The following SHANK2 variants were observed in gnomAD, a reference collection of about 807,000 sequenced individuals.
The protein encoded by SHANK2 is SH3 and multiple ankyrin repeat domains 2.
In SHANK2, 43 loss-of-function variants were observed where a neutral mutation model predicts 133.7. The ratio of observed to expected loss-of-function variants is 0.32; its 90% CI spans 0.25 to 0.41. The LOEUF is 0.41. SHANK2 is among the 10% of genes least tolerant of loss of function. The probability of loss-of-function intolerance (pLI) is 1.00; values close to 1 mark genes in which losing one functional copy is unlikely to be tolerated. For synonymous variants in SHANK2, 1,017 were observed against 952.8 expected (o/e 1.07, Z -1.24); for missense variants, 1,994 against 2,235.8 (o/e 0.89, Z 2.18).
At chr11:70,822,140 G>T (rs1251293077) in intron 11 of SHANK2, among the ~76,000 whole-genome samples, 18 of 152,330 alleles carry the variant, frequency 1.2e-4, no homozygotes, top group African/African-American at 4.1e-4. Context: ...ATCACTGGGG[G>T]GCCAAAGGCA....
At chr11:71,084,847 T>C (rs1951357218) in intron 8 of SHANK2, among the ~76,000 whole-genome samples, 1 of 152,160 alleles carries the variant, frequency 6.6e-6, no homozygotes, top group South Asian at 2.1e-4. Flanking sequence ...TCTGGGCCTG[T>C]GAACTCATAT....
At chr11:71,131,202 A>G (rs1952298324) in intron 3 of SHANK2, among the ~76,000 whole-genome samples, 1 of 152,248 alleles carries the variant, frequency 6.6e-6, no homozygotes, top group Non-Finnish European at 1.5e-5. Flanking sequence ...TCCAAATGAA[A>G]TAATACTTCT....
intron 21 of SHANK2, among the ~76,000 whole-genome samples, chr11:70,495,652 A>T (rs905343782): frequency 5.3e-5 from 8 of 152,156 alleles, no homozygotes; most frequent in African/African-American, 1.9e-4. Flanking sequence ...CTGCTTCCTG[A>T]CAGTGCTGGC....
In SHANK2 at chr11:71,113,368, G is replaced by A; in HGVS notation, c.412-4C>T. On this transcript the variant is annotated splice_region_variant and splice_polypyrimidine_tract_variant and intron_variant, in intron 4 of 25. Coordinates refer to ENST00000601538, the MANE Select transcript of SHANK2 (RefSeq NM_012309.5). ...ACACCCGCTTCTTGTATCGAAACTGGCACAGAAAACAAAAAAGAGAGAGAA... is the reference window on the plus strand; with the variant it reads ...ACACCCGCTTCTTGTATCGAAACTGACACAGAAAACAAAAAAGAGAGAGAA... 1.3e-6 allele frequency: 2 copies of A among 1,551,484 alleles called. No homozygotes were observed. The highest frequency in any genetic ancestry group is 1.7e-6 in the Non-Finnish European group (2 of 1,146,844).
Position 70,472,878 on chromosome 11 carries a change from C to A in SHANK2, c.5541G>T (p.Leu1847=). 1.2e-6 allele frequency: 2 copies of A among 1,614,192 alleles called. No homozygotes were observed. Among genetic ancestry groups the A allele is most frequent in the Non-Finnish European group, 1.7e-6 (2 of 1,180,016 alleles). The part of the protein sequence containing the change: ...MNIERALKQL[L]DR ...TGGAGAGCAGCCGTCCTTATCTGTC[C>A]AGCAGCTGTTTCAAAGCCCTTTCTA... Residue 1847 remains leucine, a synonymous_variant, in exon 26 of 26, where the codon CTG becomes CTT. Transcript: ENST00000601538. This position sits in a 1 kb window ranked among gnomAD's most constrained non-coding sequence, Gnocchi z 4.4.
At position 70,490,353 on chromosome 11, in the gene SHANK2, G is replaced by A. The variant is rs782271440; in HGVS notation, c.2474C>T (p.Thr825Met). The A allele has an allele frequency of 3.0e-5, 48 of 1,614,110 alleles. No individual in the cohort carries two copies. The Middle Eastern group carries it at 4.9e-4, about 17-fold the overall frequency. The change falls in exon 23 of 26, where the codon ACG (threonine) becomes ATG (methionine). Residue 825 changes from threonine (T) to methionine (M), a missense_variant. Physicochemically the swap from Thr to Met is moderately conservative, Grantham distance 81. Coordinates refer to ENST00000601538, the MANE Select transcript of SHANK2 (RefSeq NM_012309.5). ...TTTTGGGCTCCCAGGAACAGTGGGCGTCATCACGGCGATTCCTTGGCGTTC... is the reference window on the plus strand; with the variant it reads ...TTTTGGGCTCCCAGGAACAGTGGGCATCATCACGGCGATTCCTTGGCGTTC... Reference protein sequence around the residue: ...VYERQGIAVMTPTVPGSPKAP... With the variant: ...VYERQGIAVMMPTVPGSPKAP...
chr11:71,124,286 A>G (rs1952139975), intron 3 of SHANK2, among the ~76,000 whole-genome samples: 3 of 142,978 alleles, frequency 2.1e-5, no homozygotes, highest in Non-Finnish European at 4.6e-5. Flanking sequence ...AGTGATGATG[A>G]TGGTGATGGT....
At chr11:70,737,370 C>T (rs1456995469) in intron 14 of SHANK2, among the ~76,000 whole-genome samples, 7 of 152,200 alleles carry the variant, frequency 4.6e-5, no homozygotes, top group Non-Finnish European at 1.0e-4. Flanking sequence ...TGATCCTCAC[C>T]CATCAGGGTC....
At chr11:71,059,785 C>T (rs1030324060) in intron 9 of SHANK2, among the ~76,000 whole-genome samples, 1 of 152,212 alleles carries the variant, frequency 6.6e-6, no homozygotes, top group African/African-American at 2.4e-5. Context: ...CCCGTCTCTG[C>T]GTTCTCCAGC....
chr11:70,487,005 C>T lies in SHANK2; in HGVS notation c.3288G>A (p.Arg1096=). ...VRDREKRLEA[R]RNSPAFLSTD... ...TGGAGAGGAAGGCCGGGGAGTTCCTCCTGGCTTCCAGCCGCTTCTCACGGT... is the reference window on the plus strand; with the variant it reads ...TGGAGAGGAAGGCCGGGGAGTTCCTTCTGGCTTCCAGCCGCTTCTCACGGT... The change falls in exon 25 of 26, where the codon AGG becomes AGA. Residue 1096 remains arginine (R), a synonymous_variant. Coordinates refer to ENST00000601538, the MANE Select transcript of SHANK2 (RefSeq NM_012309.5). This position sits in a 1 kb window ranked among gnomAD's most constrained non-coding sequence, Gnocchi z 5.8. The T allele has an allele frequency of 6.2e-7, 1 of 1,610,830 alleles. No homozygotes were observed. The highest frequency in any genetic ancestry group is 8.5e-7 in the Non-Finnish European group (1 of 1,179,752).
chr11:71,154,978 A>G lies in SHANK2; in HGVS notation c.-12-7640T>C, dbSNP rs1480542091. Among the ~76,000 whole-genome samples, 29 of 72,238 alleles carry G rather than the reference A, an allele frequency of 4.0e-4. No individual in the cohort carries two copies. The East Asian group carries it at 5.2e-3, about 13-fold the overall frequency. 47.4% of individuals were successfully genotyped at this position (72,238 alleles called of 152,430 possible). A position where few individuals can be genotyped will look rare whatever the true frequency, so the allele number is the denominator to read the frequency against. Reference sequence around the variant, plus strand: ...ACCTACCCCCGCCCACGCTCCCAGAAGAGGGATGGACCTACCCCAGCCCAC... The same window carrying G: ...ACCTACCCCCGCCCACGCTCCCAGAGGAGGGATGGACCTACCCCAGCCCAC... On this transcript the variant is annotated intron_variant, in intron 2 of 25. Transcript: ENST00000601538.
At chr11:70,928,532 T>A (rs1555082002) in intron 10 of SHANK2, among the ~76,000 whole-genome samples, 1 of 151,744 alleles carries the variant, frequency 6.6e-6, no homozygotes, top group Admixed American at 6.6e-5. Flanking sequence ...GAACACGAGA[T>A]GGGATCACAG....
intron 2 of SHANK2, among the ~76,000 whole-genome samples, chr11:71,213,641 C>T (rs1041920410): frequency 6.6e-6 from 1 of 152,218 alleles, no homozygotes; most frequent in Non-Finnish European, 1.5e-5. Context: ...GTTCCCCACA[C>T]TCGGAAACTG....
At chr11:70,864,223 C>G (rs1037607315) in intron 11 of SHANK2, 3 of 175,944 alleles carry the variant, frequency 1.7e-5, no homozygotes, top group Admixed American at 5.6e-5. Context: ...CACTGGGATG[C>G]TCTGCTATTT....
intron 17 of SHANK2, among the ~76,000 whole-genome samples, chr11:70,520,384 T>C (rs148626706): frequency 0.01 from 1,561 of 152,316 alleles, 18 homozygotes; most frequent in African/African-American, 0.036. Flanking sequence ...CTTGACAGTT[T>C]TGGCTGCTGG....
chr11:70,526,049 A>G (rs1389156315), intron 17 of SHANK2, among the ~76,000 whole-genome samples: 1 of 136,136 alleles, frequency 7.3e-6, no homozygotes, highest in Non-Finnish European at 1.5e-5. Flanking sequence ...CTCACATTAA[A>G]ACAGAGATCC....
chr11:70,516,362 C>G (rs1554970075), intron 17 of SHANK2, among the ~76,000 whole-genome samples: 1 of 152,206 alleles, frequency 6.6e-6, no homozygotes, highest in Non-Finnish European at 1.5e-5. Flanking sequence ...GGAGCAAAGG[C>G]AGTTCCATGG....
intron 10 of SHANK2, among the ~76,000 whole-genome samples, chr11:70,905,116 G>T (rs959230661): frequency 1.3e-5 from 2 of 152,144 alleles, no homozygotes; most frequent in Non-Finnish European, 1.5e-5. Flanking sequence ...GCCCCACAGG[G>T]ACTCAGTACC....
chr11:70,722,377 T>C (rs1946090771), intron 14 of SHANK2, among the ~76,000 whole-genome samples: 1 of 152,206 alleles, frequency 6.6e-6, no homozygotes, highest in South Asian at 2.1e-4. Context: ...CTAAGGGACA[T>C]GAAGGCTTCC....
Sources: allele counts gnomAD v4.1 joint callset (sites outside exome capture counted in the v4.1 genomes callset), GRCh38; gene constraint gnomAD v4.1.1; non-coding constraint Gnocchi (gnomAD v3.1); transcripts MANE v1.5; gene names NCBI Gene and HGNC (gene_info 2026-07-23, HGNC 2026-07-21).